The following C9orf85 variants were observed in gnomAD, a reference collection of about 807,000 sequenced individuals.
The protein encoded by C9orf85 is chromosome 9 open reading frame 85.
In C9orf85, 16 loss-of-function variants were observed where a neutral mutation model predicts 14.9. The observed-to-expected ratio is 1.08, with a 90% CI of 0.73 to 1.63. C9orf85 has a LOEUF of 1.63. Ranked by LOEUF, C9orf85 falls within the 40% of genes most tolerant of loss-of-function variation. The pLI is 0.00. For missense variants in C9orf85, 172 were observed against 186.1 expected (o/e 0.92, Z 0.44); for synonymous variants, 45 against 56.8 (o/e 0.79, Z 0.93).
intron 1 of C9orf85, among the ~76,000 whole-genome samples, chr9:71,937,644 T>A (rs1001129496): frequency 1.3e-5 from 2 of 152,194 alleles, no homozygotes; most frequent in African/African-American, 4.8e-5. Flanking sequence ...AGTTTGTTAT[T>A]GGTGTTTTAA....
chr9:71,926,626 C>G (rs1827934782), intron 1 of C9orf85, among the ~76,000 whole-genome samples: 1 of 105,192 alleles, frequency 9.5e-6, no homozygotes, highest in Non-Finnish European at 1.9e-5. Flanking sequence ...CCAGCAAACA[C>G]TGCTGTTGAA....
At position 71,925,136 on chromosome 9, in the gene C9orf85, C is replaced by A. The variant is rs112607305; in HGVS notation, c.102+13300C>A. On this transcript the variant is annotated intron_variant, in intron 1 of 3. Coordinates refer to ENST00000334731, the MANE Select transcript of C9orf85 (RefSeq NM_182505.5). Reference sequence around the variant, plus strand: ...TCTCTAGGGACACATTTATTAAGGTCTTTTATTCACTGCCCAGTAAGAAAA... The same window carrying A: ...TCTCTAGGGACACATTTATTAAGGTATTTTATTCACTGCCCAGTAAGAAAA... Among the ~76,000 whole-genome samples, 574 of 152,222 alleles carry A rather than the reference C, an allele frequency of 3.8e-3. 3 individuals carry two copies. The highest frequency in any genetic ancestry group is 0.014 in the Middle Eastern group (4 of 294).
intron 3 of C9orf85, among the ~76,000 whole-genome samples, chr9:71,981,268 T>C (rs184769471): frequency 6.6e-6 from 1 of 152,318 alleles, no homozygotes; most frequent in East Asian, 1.9e-4. Flanking sequence ...ATCTAACCAG[T>C]CAACCTCTGT....
chr9:71,918,714 C>T (rs867761601), intron 1 of C9orf85, among the ~76,000 whole-genome samples: 2 of 152,134 alleles, frequency 1.3e-5, no homozygotes, highest in Non-Finnish European at 2.9e-5. Context: ...GCCGTGTGCT[C>T]CTTATGAGAA....
At chr9:71,942,700 C>T (rs374138345) in intron 1 of C9orf85, among the ~76,000 whole-genome samples, 1 of 152,088 alleles carries the variant, frequency 6.6e-6, no homozygotes, top group Admixed American at 6.6e-5. Flanking sequence ...GTCAGGAGTT[C>T]GAGACCAGCC....
At chr9:71,917,933 A>G (rs773228316) in intron 1 of C9orf85, among the ~76,000 whole-genome samples, 10 of 152,258 alleles carry the variant, frequency 6.6e-5, no homozygotes, top group African/African-American at 2.2e-4. Context: ...CTGTAATCAC[A>G]GCACTTTGGG....
At chr9:71,913,835 C>G (rs1827578783) in intron 1 of C9orf85, among the ~76,000 whole-genome samples, 2 of 151,972 alleles carry the variant, frequency 1.3e-5, no homozygotes, top group South Asian at 4.2e-4. Context: ...TAAATGTTTT[C>G]CTGGGTCTCA....
At chr9:71,956,895 T>C (rs1354642974) in intron 2 of C9orf85, among the ~76,000 whole-genome samples, 1 of 152,024 alleles carries the variant, frequency 6.6e-6, no homozygotes, top group Non-Finnish European at 1.5e-5. Flanking sequence ...GCCTTCATGA[T>C]AGAATATATG....
intron 1 of C9orf85, among the ~76,000 whole-genome samples, chr9:71,914,882 G>A (rs1827606126): frequency 6.6e-6 from 1 of 152,158 alleles, no homozygotes; most frequent in Non-Finnish European, 1.5e-5. Flanking sequence ...TGACTTATGG[G>A]GATTCAGAGG....
downstream of C9orf85, among the ~76,000 whole-genome samples, chr9:71,973,920 T>C (rs1822955473): frequency 6.6e-6 from 1 of 150,442 alleles, no homozygotes; most frequent in African/African-American, 2.5e-5. Context: ...TTTAATTTTA[T>C]TTATTTTATT....
chr9:71,963,678 C>T (rs534693737), intron 2 of C9orf85, among the ~76,000 whole-genome samples: 1 of 152,230 alleles, frequency 6.6e-6, no homozygotes, highest in Non-Finnish European at 1.5e-5. Context: ...GGGCTTAGCA[C>T]CCAGGCCAGC....
rs115523539 is a variant in C9orf85 at position 71,953,788 on chromosome 9, C to T, written c.209+6676C>T. Among the ~76,000 whole-genome samples, 408 of 152,150 alleles carry T rather than the reference C, an allele frequency of 2.7e-3. 4 individuals are homozygous for T. The highest frequency in any genetic ancestry group is 9.5e-3 in the African/African-American group (393 of 41,490). On this transcript the variant is annotated intron_variant, in intron 2 of 3. Coordinates refer to ENST00000334731, the MANE Select transcript of C9orf85 (RefSeq NM_182505.5). ...CTCTGTGGCTTCAGAGTTGACTAAACCAGTGGTTTAAAAAAAAGTGGGGGA... is the reference window on the plus strand; with the variant it reads ...CTCTGTGGCTTCAGAGTTGACTAAATCAGTGGTTTAAAAAAAAGTGGGGGA...
intron 2 of C9orf85, among the ~76,000 whole-genome samples, chr9:71,950,900 C>CT (rs1353265014): frequency 2.6e-5 from 4 of 152,102 alleles, no homozygotes; most frequent in Non-Finnish European, 5.9e-5. Flanking sequence ...AAAATTAAAA[C>CT]TTTTTCTCCC....
intron 2 of C9orf85, among the ~76,000 whole-genome samples, chr9:71,952,631 G>C (rs1306209276): frequency 6.6e-6 from 1 of 152,160 alleles, no homozygotes; most frequent in Non-Finnish European, 1.5e-5. Flanking sequence ...CCCAAGTGCT[G>C]GGATTACAGG....
chr9:71,911,699 G>A lies in C9orf85; in HGVS notation c.-36G>A, dbSNP rs75032526. 1.2e-4 allele frequency: 190 copies of A among 1,579,214 alleles called. No homozygotes were observed. Among genetic ancestry groups the A allele is most frequent in the Middle Eastern group, 1.7e-4 (1 of 6,008 alleles). The stretch of plus-strand genomic sequence containing the variant: ...TGGTTTTCTTTCCCCTCATCCTTTT[G>A]CCTGCTCCCGGCGAGGGGTGGCTTT... On this transcript the variant is annotated 5_prime_UTR_variant, in exon 1 of 4. Coordinates refer to ENST00000334731, the MANE Select transcript of C9orf85 (RefSeq NM_182505.5).
At chr9:71,940,885 A>G (rs555026257) in intron 1 of C9orf85, among the ~76,000 whole-genome samples, 1 of 152,228 alleles carries the variant, frequency 6.6e-6, no homozygotes, top group Non-Finnish European at 1.5e-5. Context: ...ATAAAAAGGA[A>G]TGAGCTCCTC....
In C9orf85 at chr9:71,981,907, T is replaced by A. The variant is rs533650836; in HGVS notation, c.324-750T>A. The stretch of plus-strand genomic sequence containing the variant: ...ATTTTTAAAATGCTTTATCGAGGCA[T>A]AATTTACATGTGTAAGACTCACCAA... On this transcript the variant is annotated intron_variant, in intron 3 of 3. Transcript: ENST00000377031. Among the ~76,000 whole-genome samples, 5 of 152,340 alleles carry A rather than the reference T, an allele frequency of 3.3e-5. No homozygotes were observed. In the East Asian group the frequency reaches 5.8e-4, roughly 18 times the overall value.
chr9:71,980,924 G>T (rs1020540425), intron 3 of C9orf85, among the ~76,000 whole-genome samples: 9 of 152,174 alleles, frequency 5.9e-5, no homozygotes, highest in Non-Finnish European at 1.0e-4. Flanking sequence ...AACAATTTTG[G>T]AATCCCTTTC....
chr9:71,979,699 A>G (rs1823061471), intron 3 of C9orf85, among the ~76,000 whole-genome samples: 1 of 152,224 alleles, frequency 6.6e-6, no homozygotes, highest in South Asian at 2.1e-4. Context: ...TAACAACTTT[A>G]TAAACTGTCC....
Sources: allele counts gnomAD v4.1 joint callset (sites outside exome capture counted in the v4.1 genomes callset), GRCh38; gene constraint gnomAD v4.1.1; transcripts MANE v1.5; gene names NCBI Gene and HGNC (gene_info 2026-07-23, HGNC 2026-07-21).